ASCC1: variants seen among roughly 807,000 people sequenced by gnomAD.
ASCC1 encodes the protein ASC-1 complex subunit P50.
In ASCC1, 35 loss-of-function variants were observed where a neutral mutation model predicts 46.6. The ratio of observed to expected loss-of-function variants is 0.75; its 90% CI spans 0.57 to 0.99. The LOEUF is 0.99. Among genes scored for constraint, ASCC1 ranks in the 50% least tolerant of loss-of-function variants. The probability of loss-of-function intolerance (pLI) is 0.00; values close to 1 mark genes in which losing one functional copy is unlikely to be tolerated. For synonymous variants in ASCC1, 143 were observed against 146.6 expected (o/e 0.98, Z 0.18); for missense variants, 376 against 428.7 (o/e 0.88, Z 1.09).
intron 7 of ASCC1, among the ~76,000 whole-genome samples, chr10:72,142,365 CTTTT>C (rs71018255): frequency 7.3e-6 from 1 of 137,122 alleles, no homozygotes; most frequent in Non-Finnish European, 1.6e-5. Context: ...GCAGATTTCA[CTTTT>C]TTTTTTTTTT....
At chr10:72,133,011 A>G (rs1163283413) in intron 8 of ASCC1, 46 bp downstream of exon 8, 1 of 1,613,276 alleles carries the variant, frequency 6.2e-7, no homozygotes, top group Admixed American at 1.7e-5. Flanking sequence ...GAGATGCCAC[A>G]AGGCCGCTGA....
At chr10:72,185,761 T>C (rs1032464860) in intron 5 of ASCC1, among the ~76,000 whole-genome samples, 1 of 152,170 alleles carries the variant, frequency 6.6e-6, no homozygotes, top group African/African-American at 2.4e-5. Context: ...TATACCTTCA[T>C]CAAAACTCAT....
intron 3 of ASCC1, among the ~76,000 whole-genome samples, chr10:72,208,754 C>T (rs1317258948): frequency 6.6e-6 from 1 of 150,478 alleles, no homozygotes. Context: ...AGTAAGACTC[C>T]ATCTCAAAAA....
Position 72,195,561 on chromosome 10 carries a change from TTA to T in ASCC1, c.489+1248_489+1249del, listed in dbSNP as rs1432633875. On this transcript the variant is annotated intron_variant, in intron 5 of 9. Coordinates refer to ENST00000672957, the MANE Select transcript of ASCC1 (RefSeq NM_001198800.3). Reference sequence around the variant, plus strand: ...CAAGCTAAATTTTATTTTATTTTATTTATTTTTTTTTTGAGATGGATTTTTAC... The same window carrying T: ...CAAGCTAAATTTTATTTTATTTTATTTTTTTTTTTTGAGATGGATTTTTAC... Among the ~76,000 whole-genome samples the T allele has an allele frequency of 1.4e-4, 21 of 149,962 alleles. No homozygotes were observed. The East Asian group carries it at 2.8e-3, about 20-fold the overall frequency.
intron 3 of ASCC1, among the ~76,000 whole-genome samples, chr10:72,204,126 G>A (rs1385747454): frequency 6.6e-6 from 1 of 152,174 alleles, no homozygotes; most frequent in Non-Finnish European, 1.5e-5. Context: ...CAGGGTGCCT[G>A]TAATCCCAGC....
rs1451869603 is a variant in ASCC1 at position 72,102,350 on chromosome 10, T to C, written c.958-4900A>G. On this transcript the variant is annotated intron_variant, in intron 9 of 9. Coordinates refer to ENST00000672957, the MANE Select transcript of ASCC1 (RefSeq NM_001198800.3). The stretch of plus-strand genomic sequence containing the variant: ...GTATCTTACCCACTAGCTCTCTGTG[T>C]CCCAAGCCCTTCTCGATTCTAGGAT... The C allele has an allele frequency of 7.7e-6, 12 of 1,549,936 alleles. No homozygotes were observed. The Admixed American group carries it at 2.2e-4, about 28-fold the overall frequency.
rs1845792538 is a variant in ASCC1 at position 72,133,118 on chromosome 10, C to T, written c.810G>A (p.Glu270=). The T allele has an allele frequency of 6.2e-7, 1 of 1,613,978 alleles. No homozygotes were observed. The highest frequency in any genetic ancestry group is 1.3e-5 in the African/African-American group (1 of 74,932). ...TAGCATGCAGTTTCACACTATTCCACTCTTTCACTATTAGTCCAGATGCCT... is the reference window on the plus strand; with the variant it reads ...TAGCATGCAGTTTCACACTATTCCATTCTTTCACTATTAGTCCAGATGCCT... ...RFQASGLIVK[E]WNSVKLHATV... The change falls in exon 8 of 10, where the codon GAG becomes GAA. Residue 270 remains glutamate, a synonymous_variant. Transcript: ENST00000672957.
At chr10:72,136,746 A>C (rs913326186) in intron 7 of ASCC1, among the ~76,000 whole-genome samples, 1 of 152,112 alleles carries the variant, frequency 6.6e-6, no homozygotes, top group African/African-American at 2.4e-5. Context: ...ATGAGCTCTA[A>C]CACAACGAGG....
intron 5 of ASCC1, among the ~76,000 whole-genome samples, chr10:72,178,690 C>T (rs1177028325): frequency 6.6e-6 from 1 of 152,152 alleles, no homozygotes; most frequent in East Asian, 1.9e-4. Context: ...ACCTGCAGTA[C>T]TATGAAACTA....
At chr10:72,106,356 G>C (rs972757833) in intron 9 of ASCC1, among the ~76,000 whole-genome samples, 7 of 152,156 alleles carry the variant, frequency 4.6e-5, no homozygotes, top group African/African-American at 1.7e-4. Context: ...GGATGTTCTA[G>C]GTCATATTTC....
Position 72,211,308 on chromosome 10 carries a change from G to T in ASCC1, c.113-477C>A, listed in dbSNP as rs527637068. Among the ~76,000 whole-genome samples, 3 of 152,228 alleles carry T rather than the reference G, an allele frequency of 2.0e-5. No individual in the cohort carries two copies. In the East Asian group the frequency reaches 5.8e-4, roughly 29 times the overall value. On this transcript the variant is annotated intron_variant, in intron 2 of 9. Transcript: ENST00000672957. The stretch of plus-strand genomic sequence containing the variant: ...ATTAATAAACTAAACTTTATCAAAG[G>T]TTTCTATATACAGTTGGCCCTCCAT...
chr10:72,120,256 A>C (rs909484399), intron 9 of ASCC1, among the ~76,000 whole-genome samples: 3 of 152,114 alleles, frequency 2.0e-5, no homozygotes, highest in Admixed American at 1.3e-4. Context: ...ATAAATAAAT[A>C]ATAAAAATAC....
At chr10:72,205,601 G>A (rs1857089321) in intron 3 of ASCC1, among the ~76,000 whole-genome samples, 1 of 147,800 alleles carries the variant, frequency 6.8e-6, no homozygotes, top group Admixed American at 6.9e-5. Context: ...CTGCACTCCA[G>A]CCTGGGTGAC....
chr10:72,176,250 C>A (rs1851842144), intron 5 of ASCC1, among the ~76,000 whole-genome samples: 1 of 152,172 alleles, frequency 6.6e-6, no homozygotes, highest in South Asian at 2.1e-4. Context: ...GTGCCCAACT[C>A]CTTACCTCTC....
intron 4 of ASCC1, among the ~76,000 whole-genome samples, chr10:72,199,111 A>G (rs1856091491): frequency 6.6e-6 from 1 of 150,498 alleles, no homozygotes; most frequent in African/African-American, 2.4e-5. Flanking sequence ...CACCACACCC[A>G]GCTAATTTTG....
chr10:72,203,811 G>C (rs924005166), intron 3 of ASCC1, among the ~76,000 whole-genome samples: 11 of 152,168 alleles, frequency 7.2e-5, no homozygotes, highest in African/African-American at 2.7e-4. Flanking sequence ...ATCTGGGTCT[G>C]CAATAAAGTG....
intron 5 of ASCC1, among the ~76,000 whole-genome samples, chr10:72,175,045 A>G (rs192399117): frequency 6.6e-4 from 100 of 152,354 alleles, no homozygotes; most frequent in Non-Finnish European, 1.2e-3. Flanking sequence ...CAAATCTTGT[A>G]GAACTGTTTC....
intron 7 of ASCC1, among the ~76,000 whole-genome samples, chr10:72,150,280 T>C (rs1247824794): frequency 6.6e-6 from 1 of 151,984 alleles, no homozygotes; most frequent in Non-Finnish European, 1.5e-5. Flanking sequence ...CAAAACTTGC[T>C]TCCAAATGAA....
chr10:72,144,137 C>T (rs964063828), intron 7 of ASCC1, among the ~76,000 whole-genome samples: 1 of 152,058 alleles, frequency 6.6e-6, no homozygotes, highest in Middle Eastern at 3.4e-3. Context: ...CCACCACGCC[C>T]AGCTAATTTT....
Sources: gnomAD v4.1 joint callset for allele counts (sites outside exome capture counted in the v4.1 genomes callset) on GRCh38, gnomAD v4.1.1 for gene constraint, MANE v1.5 for transcripts, NCBI Gene and HGNC (gene_info 2026-07-23, HGNC 2026-07-21) for gene names.